Variants in RHBDF2 observed in about 807,000 individuals in gnomAD.
RHBDF2 encodes rhomboid 5 homolog 2, also known as inactive rhomboid protein 2.
Under a neutral mutation model 95.2 loss-of-function variants are expected in RHBDF2, and 38 were observed. The observed-to-expected ratio is 0.40, with a 90% CI of 0.31 to 0.52. The LOEUF is 0.52. Among genes scored for constraint, RHBDF2 ranks in the 20% least tolerant of loss-of-function variants. The pLI, the probability that RHBDF2 is intolerant of heterozygous loss-of-function variation, is 0.56. For missense variants in RHBDF2, 863 were observed against 1,137.7 expected (o/e 0.76, Z 3.47); for synonymous variants, 442 against 462.0 (o/e 0.96, Z 0.55).
intron 1 of RHBDF2, among the ~76,000 whole-genome samples, chr17:76,496,409 C>A (rs183308881): frequency 6.6e-6 from 1 of 152,314 alleles, no homozygotes; most frequent in South Asian, 2.1e-4. Context: ...GCCAGGGTCC[C>A]GCGCTCTTAA....
rs142849250 is a variant in RHBDF2, at chr17:76,480,196, C to T, written c.151-342G>A. Among the ~76,000 whole-genome samples the T allele has an allele frequency of 7.1e-3, 1,050 of 148,414 alleles. 9 individuals carry two copies. Among genetic ancestry groups the T allele is most frequent in the African/African-American group, 0.025 (1,001 of 40,280 alleles). ...CTCCCAGGTTCAAGCGATTCTTCTG[C>T]CTCAGCCTCCTGAGTAGCTGGGACT... On this transcript the variant is annotated intron_variant, in intron 3 of 18. Coordinates refer to ENST00000675367, the MANE Select transcript of RHBDF2 (RefSeq NM_001005498.4).
chr17:76,484,811 G>A (rs975036466), intron 2 of RHBDF2, among the ~76,000 whole-genome samples: 4 of 152,158 alleles, frequency 2.6e-5, no homozygotes, highest in African/African-American at 9.7e-5. Context: ...AGCTCTGCTG[G>A]GGGTGGGGTT....
chr17:76,473,779 G>A, intron 14 of RHBDF2, 37 bp from the exon 15 acceptor site: 1 of 1,612,036 alleles, frequency 6.2e-7, no homozygotes, highest in Non-Finnish European at 8.5e-7. Context: ...AGTGGGCTGT[G>A]CAGCAGGCAG....
intron 1 of RHBDF2, among the ~76,000 whole-genome samples, chr17:76,492,888 T>C (rs2074338957): frequency 6.6e-6 from 1 of 152,052 alleles, no homozygotes; most frequent in South Asian, 2.1e-4. Context: ...GGATAAGAAG[T>C]AAGCAGCCCC....
chr17:76,478,881 G>C lies in RHBDF2; in HGVS notation c.597C>G (p.Gly199=), dbSNP rs771340915. 1.5e-5 allele frequency: 25 copies of C among 1,613,150 alleles called. No homozygotes were observed. The highest frequency in any genetic ancestry group is 2.0e-5 in the Non-Finnish European group (24 of 1,179,568). The change falls in exon 6 of 19, where the codon GGC becomes GGG. Residue 199 remains glycine, a synonymous_variant. Coordinates refer to ENST00000675367, the MANE Select transcript of RHBDF2 (RefSeq NM_001005498.4). ...SLTSFTSVRS[G]YSHLPRRKRM... ...TCTTGCGGCGTGGCAGGTGGGAGTA[G>C]CCAGAACGGACACTGGTGAAGGAGG...
chr17:76,491,588 C>A (rs1444117151), intron 1 of RHBDF2, among the ~76,000 whole-genome samples: 1 of 152,230 alleles, frequency 6.6e-6, no homozygotes, highest in Non-Finnish European at 1.5e-5. Context: ...AGCAGCTCCA[C>A]CCTCTGGCCT....
intron 2 of RHBDF2, among the ~76,000 whole-genome samples, chr17:76,485,570 G>A (rs1434693686): frequency 6.6e-6 from 1 of 151,516 alleles, no homozygotes; most frequent in Non-Finnish European, 1.5e-5. Context: ...CTCCAGCCTG[G>A]GCGACAGAGT....
intron 1 of RHBDF2, among the ~76,000 whole-genome samples, chr17:76,492,617 AGGTGCAGTTCCCTCTCTCCACCT>A (rs1354190598): frequency 9.9e-5 from 15 of 152,122 alleles, no homozygotes; most frequent in Non-Finnish European, 1.5e-5. Flanking sequence ...CAACTCCCCC[AGGTGCAGTTCCCTCTCTCCACCT>A]GGTGCCACCA....
Position 76,475,017 on chromosome 17 carries a change from T to G in RHBDF2, c.1227+13A>C. ...AGGCTGGGACCCCCAGCATGGAGCC[T>G]GACCCGACTCACCAGCTGGGTGGTG... On this transcript the variant is annotated intron_variant, in intron 10 of 18. Transcript: ENST00000675367. 1 of 1,565,050 alleles carries G rather than the reference T, an allele frequency of 6.4e-7. No homozygotes were observed. The highest frequency in any genetic ancestry group is 8.7e-7 in the Non-Finnish European group (1 of 1,152,252).
chr17:76,473,244 C>T lies in RHBDF2; in HGVS notation c.1809+8G>A, dbSNP rs1197039206. ...CTCCTCCACTACTCCAGGCCTGCCTCGCCTCACCTGGGAGCAGAGTGTTGC... is the reference window on the plus strand; with the variant it reads ...CTCCTCCACTACTCCAGGCCTGCCTTGCCTCACCTGGGAGCAGAGTGTTGC... On this transcript the variant is annotated splice_region_variant and intron_variant, in intron 16 of 18. Transcript: ENST00000675367. 11 of 1,611,482 alleles carry T rather than the reference C, an allele frequency of 6.8e-6. No homozygotes were observed. The highest frequency in any genetic ancestry group is 9.3e-6 in the Non-Finnish European group (11 of 1,178,520).
intron 14 of RHBDF2, 44 bp from the exon 15 acceptor site, chr17:76,473,786 G>A (rs778721269): frequency 1.2e-6 from 2 of 1,611,866 alleles, no homozygotes; most frequent in African/African-American, 2.7e-5. Flanking sequence ...TGTGCAGCAG[G>A]CAGGTCCCCC....
chr17:76,479,895 G>T (rs907892477), intron 3 of RHBDF2, 41 bp from the exon 4 acceptor site: 1 of 1,607,946 alleles, frequency 6.2e-7, no homozygotes, highest in Non-Finnish European at 8.5e-7. Flanking sequence ...GGTGTGTGCA[G>T]CCCAGGTCCT....
chr17:76,477,882 A>G, intron 6 of RHBDF2, 97 bp from the exon 7 acceptor site: 2 of 1,529,394 alleles, frequency 1.3e-6, no homozygotes, highest in South Asian at 1.2e-5. Flanking sequence ...ATCCGCCTGC[A>G]GGCAGCGCCT....
At chr17:76,476,083 T>C (rs980108604) in intron 9 of RHBDF2, 2 of 151,220 alleles carry the variant, frequency 1.3e-5, no homozygotes, top group Non-Finnish European at 2.9e-5. Context: ...ATTTTTTGTA[T>C]TTTTAGTAGA....
chr17:76,488,697 C>T (rs1362951966), intron 1 of RHBDF2, among the ~76,000 whole-genome samples: 2 of 152,190 alleles, frequency 1.3e-5, no homozygotes, highest in Admixed American at 1.3e-4. Flanking sequence ...GCCTGTAATC[C>T]CAGCACTTTG....
At chr17:76,479,976 A>G (rs2073899561) in intron 3 of RHBDF2, 122 bp from the exon 4 acceptor site, 3 of 1,304,618 alleles carry the variant, frequency 2.3e-6, no homozygotes, top group Non-Finnish European at 3.1e-6. Context: ...TTATGCCCCA[A>G]TTTGCTTTCA....
rs1420928329 is a variant in RHBDF2, at chr17:76,474,807, A to G, written c.1228-3T>C. ...TACACACCTTTGTTCCGCAGCACCTATCGTGGAGGTAGCACAGAGGAGGGC... is the reference window on the plus strand; with the variant it reads ...TACACACCTTTGTTCCGCAGCACCTGTCGTGGAGGTAGCACAGAGGAGGGC... On this transcript the variant is annotated splice_polypyrimidine_tract_variant and splice_region_variant and intron_variant, in intron 10 of 18. Transcript: ENST00000675367. 4 of 1,613,132 alleles carry G rather than the reference A, an allele frequency of 2.5e-6. No individual in the cohort carries two copies. In the African/African-American group the frequency reaches 4.0e-5, roughly 16 times the overall value.
Position 76,485,089 on chromosome 17 carries a change from T to A in RHBDF2, c.-22+2623A>T, listed in dbSNP as rs191028269. On this transcript the variant is annotated intron_variant, in intron 2 of 18. Coordinates refer to ENST00000675367, the MANE Select transcript of RHBDF2 (RefSeq NM_001005498.4). ...GAGTTCAAGACCAGCCTGGCCAACATGGTGAAACCCCATCTCTACTAAAAA... is the reference window on the plus strand; with the variant it reads ...GAGTTCAAGACCAGCCTGGCCAACAAGGTGAAACCCCATCTCTACTAAAAA... 9.4e-3 allele frequency among the ~76,000 whole-genome samples: 1,424 copies of A among 151,984 alleles called. 29 individuals are homozygous for A. Among genetic ancestry groups the A allele is most frequent in the African/African-American group, 0.033 (1,365 of 41,432 alleles).
intron 3 of RHBDF2, among the ~76,000 whole-genome samples, chr17:76,480,118 T>C (rs1309274502): frequency 7.4e-5 from 10 of 134,298 alleles, no homozygotes; most frequent in Non-Finnish European, 1.4e-4. Flanking sequence ...AATCTCACTG[T>C]ATTGTCCAGG....
Sources: gnomAD v4.1 joint callset for allele counts (sites outside exome capture counted in the v4.1 genomes callset) on GRCh38, gnomAD v4.1.1 for gene constraint, MANE v1.5 for transcripts, NCBI Gene and HGNC (gene_info 2026-07-23, HGNC 2026-07-21) for gene names.